ZNF398: variants seen among roughly 807,000 people sequenced by gnomAD.
The protein encoded by ZNF398 is zinc finger DNA binding protein ZER6.
ZNF398 carries 18 observed loss-of-function variants against 41.9 expected under a neutral mutation model. The ratio of observed to expected loss-of-function variants is 0.43; its 90% CI spans 0.30 to 0.64. The LOEUF (loss-of-function observed/expected upper bound fraction) is 0.64, where lower values mean the gene tolerates loss of function less well. Ranked by LOEUF, ZNF398 falls within the 30% of genes least tolerant of loss-of-function variation. ZNF398 has a pLI of 0.14. For missense variants in ZNF398, 669 were observed against 822.8 expected, an observed-to-expected ratio of 0.81 and a Z score of 2.29; for synonymous variants, 260 against 308.8, an observed-to-expected ratio of 0.84 and a Z score of 1.66.
At chr7:149,174,151 G>A (rs192173261) in intron 4 of ZNF398, among the ~76,000 whole-genome samples, 134 of 152,132 alleles carry the variant, frequency 8.8e-4, no homozygotes, top group African/African-American at 3.1e-3. Context: ...ATGAACACCG[G>A]GTTCAAGTCA....
chr7:149,145,128 A>C (rs1043438368), upstream of ZNF398, among the ~76,000 whole-genome samples: 7 of 152,088 alleles, frequency 4.6e-5, no homozygotes, highest in African/African-American at 1.7e-4. Flanking sequence ...CCCCAACAGG[A>C]TAGTTCTCAT....
chr7:149,136,338 A>G (rs1826713020), intron 2 of ZNF398, among the ~76,000 whole-genome samples: 1 of 151,892 alleles, frequency 6.6e-6, no homozygotes, highest in African/African-American at 2.4e-5. Flanking sequence ...GGCACTCCTC[A>G]CTTTTTAGAC....
chr7:149,149,919 C>G (rs1388826896), intron 1 of ZNF398, among the ~76,000 whole-genome samples: 1 of 152,066 alleles, frequency 6.6e-6, no homozygotes, highest in Non-Finnish European at 1.5e-5. Flanking sequence ...TCAATTTAAC[C>G]ACATTTCAGG....
chr7:149,162,875 T>C (rs1795139989), intron 2 of ZNF398, among the ~76,000 whole-genome samples: 1 of 132,794 alleles, frequency 7.5e-6, no homozygotes, highest in Admixed American at 7.6e-5. Context: ...CTGGCCAACA[T>C]GGCAAACCCC....
rs201966256 is a variant in ZNF398 at position 149,178,691 on chromosome 7, G to A, written c.819G>A (p.Ser273=). The A allele has an allele frequency of 1.9e-5, 31 of 1,614,120 alleles. No individual in the cohort carries two copies. In the East Asian group the frequency reaches 6.0e-4, roughly 31 times the overall value. Residue 273 remains serine, a synonymous_variant, in exon 6 of 6, where the codon TCG becomes TCA. Coordinates refer to ENST00000475153, the MANE Select transcript of ZNF398 (RefSeq NM_170686.3). ...AAGCTGAAGGCCTTGCTAGATCCTCGTTGTGCCCTGAGGTTCCAGTCCCTT... is the reference window on the plus strand; with the variant it reads ...AAGCTGAAGGCCTTGCTAGATCCTCATTGTGCCCTGAGGTTCCAGTCCCTT... The part of the protein sequence containing the change: ...VIKAEGLARS[S]LCPEVPVPFS...
chr7:149,176,028 G>A (rs79245273), intron 4 of ZNF398, among the ~76,000 whole-genome samples: 7,004 of 152,070 alleles, frequency 0.046, 235 homozygotes, highest in Non-Finnish European at 0.07. Context: ...TATTGTTATA[G>A]TTATTTAGAA....
At chr7:149,171,142 C>CT (rs1453604581) in intron 4 of ZNF398, among the ~76,000 whole-genome samples, 2 of 151,096 alleles carry the variant, frequency 1.3e-5, no homozygotes, top group African/African-American at 4.9e-5. Context: ...GCCACCGCGC[C>CT]TGGCCAAGAA....
rs1325385053 is a variant in ZNF398 at position 149,166,295 on chromosome 7, G to A, written c.547+11G>A. 3 of 1,607,010 alleles carry A rather than the reference G, an allele frequency of 1.9e-6. No homozygotes were observed. Among genetic ancestry groups the A allele is most frequent in the Non-Finnish European group, 2.5e-6 (3 of 1,177,722 alleles). The stretch of plus-strand genomic sequence containing the variant: ...CTCTCATCTCCATGGGTGAGGCTGA[G>A]TTGACACCTTTTGAATGAAGTGACA... On this transcript the variant is annotated intron_variant, in intron 3 of 5. Coordinates refer to ENST00000475153, the MANE Select transcript of ZNF398 (RefSeq NM_170686.3).
upstream of ZNF398, among the ~76,000 whole-genome samples, chr7:149,145,277 A>G (rs1826910571): frequency 6.6e-6 from 1 of 152,208 alleles, no homozygotes; most frequent in African/African-American, 2.4e-5. Context: ...TGCTTATCCT[A>G]TCACCACACA....
rs1795569294 is a variant in ZNF398, at chr7:149,180,618, T to C, written c.*817T>C. 2 of 152,288 alleles carry C rather than the reference T, an allele frequency of 1.3e-5. No individual in the cohort carries two copies. The highest frequency in any genetic ancestry group is 4.8e-5 in the African/African-American group (2 of 41,568). 9.4% of individuals were successfully genotyped at this position (152,288 alleles called of 1,614,324 possible). A position where few individuals can be genotyped will look rare whatever the true frequency, so the allele number is the denominator to read the frequency against. ...TTAAAAGCTAGAGATCTCAGAGAAATAGCTGGCTTAACAATGACAGAACAG... is the reference window on the plus strand; with the variant it reads ...TTAAAAGCTAGAGATCTCAGAGAAACAGCTGGCTTAACAATGACAGAACAG... On this transcript the variant is annotated 3_prime_UTR_variant, in exon 6 of 6. Transcript: ENST00000475153.
chr7:149,139,519 G>A (rs968420235), intron 2 of ZNF398, among the ~76,000 whole-genome samples: 19 of 151,510 alleles, frequency 1.3e-4, no homozygotes, highest in African/African-American at 2.2e-4. Flanking sequence ...TCAGGAGTTC[G>A]AGACCATCCT....
intron 2 of ZNF398, among the ~76,000 whole-genome samples, chr7:149,163,973 G>A (rs1372456721): frequency 2.0e-5 from 3 of 152,080 alleles, no homozygotes; most frequent in Non-Finnish European, 2.9e-5. Context: ...TGAGCCAGGC[G>A]TGATGGTGTG....
intron 2 of ZNF398, among the ~76,000 whole-genome samples, chr7:149,160,081 GCTGATTA>G: frequency 2.7e-4 from 1 of 3,748 alleles, no homozygotes; most frequent in South Asian, 0.011. Flanking sequence ...AGGATAATTA[GCTGATTA>G]GCATATCTAT....
At chr7:149,151,997 C>A (rs1827128821) in intron 1 of ZNF398, among the ~76,000 whole-genome samples, 1 of 151,816 alleles carries the variant, frequency 6.6e-6, no homozygotes, top group Non-Finnish European at 1.5e-5. Flanking sequence ...CTTTGGGAGG[C>A]CGAGGAGGGC....
intron 2 of ZNF398, 115 bp downstream of exon 2, chr7:149,154,455 T>C (rs1794928348): frequency 8.2e-7 from 1 of 1,216,772 alleles, no homozygotes; most frequent in Non-Finnish European, 1.1e-6. Context: ...TTAAAATATC[T>C]CAGTCTGAAA....
chr7:149,146,829 G>A (rs923308636), upstream of ZNF398, among the ~76,000 whole-genome samples: 1 of 151,966 alleles, frequency 6.6e-6, no homozygotes. Flanking sequence ...CCTGGGCGAC[G>A]GAGTGAGACT....
chr7:149,147,394 G>A (rs1384935212), upstream of ZNF398: 5 of 165,966 alleles, frequency 3.0e-5, no homozygotes, highest in Middle Eastern at 5.2e-3. The surrounding 1 kb of genome is among the most constrained non-coding windows in gnomAD (Gnocchi z 5.6). Context: ...GGGGCGCGCT[G>A]GCCGCGGTGG....
chr7:149,131,607 A>C (rs1177312426), intron 2 of ZNF398, among the ~76,000 whole-genome samples: 2 of 152,074 alleles, frequency 1.3e-5, no homozygotes, highest in Non-Finnish European at 2.9e-5. Flanking sequence ...AATTGCTTAA[A>C]CCTTGGAGGC....
chr7:149,158,434 A>G (rs1181109764), intron 2 of ZNF398, among the ~76,000 whole-genome samples: 1 of 152,206 alleles, frequency 6.6e-6, no homozygotes, highest in Non-Finnish European at 1.5e-5. Flanking sequence ...GAGATGAGGA[A>G]GTACCTGGGA....
Sources: gnomAD v4.1 joint callset for allele counts (sites outside exome capture counted in the v4.1 genomes callset) on GRCh38, gnomAD v4.1.1 for gene constraint, Gnocchi (gnomAD v3.1) non-coding constraint, MANE v1.5 for transcripts, NCBI Gene and HGNC (gene_info 2026-07-23, HGNC 2026-07-21) for gene names.